The following PCSK5 variants were observed in gnomAD, a reference collection of about 807,000 sequenced individuals.
PCSK5 encodes prohormone convertase 5.
Under a neutral mutation model 233.2 loss-of-function variants are expected in PCSK5, and 129 were observed. The ratio of observed to expected loss-of-function variants is 0.55; its 90% CI spans 0.48 to 0.64. The LOEUF (loss-of-function observed/expected upper bound fraction) is 0.64, where lower values mean the gene tolerates loss of function less well. Among genes scored for constraint, PCSK5 ranks in the 30% least tolerant of loss-of-function variants. PCSK5 has a pLI of 0.00. For missense variants in PCSK5, 2,076 were observed against 2,430.1 expected, an observed-to-expected ratio of 0.85 and a Z score of 3.06; for synonymous variants, 825 against 879.2, an observed-to-expected ratio of 0.94 and a Z score of 1.09.
At chr9:76,230,559 T>C (rs1826047029) in intron 21 of PCSK5, among the ~76,000 whole-genome samples, 1 of 152,192 alleles carries the variant, frequency 6.6e-6, no homozygotes, top group Admixed American at 6.5e-5. Context: ...TGAACTGATA[T>C]TGGTTCATGG....
intron 24 of PCSK5, among the ~76,000 whole-genome samples, chr9:76,285,395 A>G (rs996499603): frequency 2.6e-5 from 4 of 152,190 alleles, no homozygotes; most frequent in African/African-American, 4.8e-5. Context: ...GAACCTAAGG[A>G]GTCTAGAACA....
At chr9:76,235,051 A>G (rs1826206492) in intron 22 of PCSK5, among the ~76,000 whole-genome samples, 1 of 152,192 alleles carries the variant, frequency 6.6e-6, no homozygotes, top group Non-Finnish European at 1.5e-5. Context: ...TATTTGGTCC[A>G]TAAGTTTCTA....
At chr9:75,971,839 G>T (rs1459802281) in intron 2 of PCSK5, among the ~76,000 whole-genome samples, 1 of 151,808 alleles carries the variant, frequency 6.6e-6, no homozygotes, top group Non-Finnish European at 1.5e-5. Flanking sequence ...TTGTCAGATG[G>T]ATAGATTGCA....
At chr9:76,293,738 C>T (rs1250271307) in intron 25 of PCSK5, among the ~76,000 whole-genome samples, 1 of 152,248 alleles carries the variant, frequency 6.6e-6, no homozygotes, top group Non-Finnish European at 1.5e-5. Flanking sequence ...CTCCACTACT[C>T]GCTAATGAGC....
At chr9:76,058,346 C>T (rs901318922) in intron 5 of PCSK5, among the ~76,000 whole-genome samples, 1 of 152,136 alleles carries the variant, frequency 6.6e-6, no homozygotes, top group African/African-American at 2.4e-5. Context: ...TAAACCAGAA[C>T]CCCTGAGATA....
chr9:76,256,222 G>A (rs1826976743), intron 24 of PCSK5, among the ~76,000 whole-genome samples: 1 of 152,166 alleles, frequency 6.6e-6, no homozygotes, highest in African/African-American at 2.4e-5. Flanking sequence ...TTCAATTCTA[G>A]AGCAATTAGC....
chr9:76,290,434 G>C (rs775506658), intron 24 of PCSK5, among the ~76,000 whole-genome samples: 1 of 152,154 alleles, frequency 6.6e-6, no homozygotes, highest in Non-Finnish European at 1.5e-5. Context: ...TACAAACCAT[G>C]TTGACCCAGA....
intron 32 of PCSK5, 81 bp from the exon 33 acceptor site, chr9:76,327,928 A>T (rs1587334987): frequency 2.4e-6 from 2 of 839,588 alleles, no homozygotes; most frequent in South Asian, 2.7e-5. Flanking sequence ...GAATGTGAAG[A>T]CCCTTTCCCA....
chr9:75,950,100 C>T (rs1824775403), intron 2 of PCSK5, among the ~76,000 whole-genome samples: 2 of 132,190 alleles, frequency 1.5e-5, no homozygotes, highest in South Asian at 2.3e-4. Flanking sequence ...TTCTCTATAC[C>T]GGACCCTTAA....
At chr9:75,970,764 G>A (rs1052022027) in intron 2 of PCSK5, among the ~76,000 whole-genome samples, 2 of 152,000 alleles carry the variant, frequency 1.3e-5, no homozygotes, top group South Asian at 4.2e-4. Context: ...TGGGACTACC[G>A]GCGCACACTG....
chr9:75,949,189 A>G (rs1824729247), intron 2 of PCSK5, among the ~76,000 whole-genome samples: 1 of 151,492 alleles, frequency 6.6e-6, no homozygotes, highest in South Asian at 2.1e-4. Flanking sequence ...GCTTATCTGA[A>G]ATTTAACTCA....
chr9:76,127,490 C>T (rs949593921), intron 9 of PCSK5, among the ~76,000 whole-genome samples: 3 of 152,308 alleles, frequency 2.0e-5, no homozygotes, highest in African/African-American at 7.2e-5. Context: ...AAATTGCCAT[C>T]TACACTATGG....
intron 3 of PCSK5, among the ~76,000 whole-genome samples, chr9:76,009,577 A>G (rs2131449886): frequency 6.6e-6 from 1 of 151,478 alleles, no homozygotes; most frequent in Middle Eastern, 3.4e-3. Context: ...CAGTGAGCCG[A>G]GATCACACCA....
chr9:75,945,510 G>T (rs1237644383), intron 2 of PCSK5, among the ~76,000 whole-genome samples: 3 of 152,120 alleles, frequency 2.0e-5, no homozygotes, highest in Non-Finnish European at 1.5e-5. Flanking sequence ...CCCACCATCA[G>T]TGTTGACCTG....
intron 24 of PCSK5, 124 bp from the exon 25 acceptor site, chr9:76,292,109 T>C (rs949274697): frequency 2.1e-5 from 14 of 660,186 alleles, no homozygotes; most frequent in Non-Finnish European, 3.8e-5. Flanking sequence ...ATATTATTTC[T>C]GGACAGTACA....
intron 20 of PCSK5, 140 bp downstream of exon 20, chr9:76,189,886 A>T (rs955347637): frequency 2.1e-5 from 12 of 569,144 alleles, no homozygotes; most frequent in Middle Eastern, 3.0e-4. Context: ...GCATTCATTC[A>T]TCTTGAACTT....
rs759821026 is a variant in PCSK5 at position 76,193,383 on chromosome 9, G to GACTT, written c.2626+3639_2626+3642dup. 23 of 1,493,140 alleles carry GACTT rather than the reference G, an allele frequency of 1.5e-5. No individual in the cohort carries two copies. The East Asian group carries it at 3.8e-4, about 25-fold the overall frequency. 92.5% of individuals were successfully genotyped at this position (1,493,140 alleles called of 1,614,324 possible). ...CATCTTAGATTTCTTTGTTCCTGTA[G>GACTT]ACTTATAGATTATTCCATATTATTA... On this transcript the variant is annotated intron_variant, in intron 20 of 37. Transcript: ENST00000674117.
chr9:76,100,284 C>T (rs117932227), intron 8 of PCSK5, among the ~76,000 whole-genome samples: 20 of 152,300 alleles, frequency 1.3e-4, no homozygotes, highest in Non-Finnish European at 2.4e-4. Context: ...AGTTGTATAA[C>T]GAAAGAATTC....
At chr9:75,915,439 A>G (rs1822945121) in intron 1 of PCSK5, among the ~76,000 whole-genome samples, 1 of 152,188 alleles carries the variant, frequency 6.6e-6, no homozygotes, top group African/African-American at 2.4e-5. Context: ...AATAGGAGAA[A>G]GTGCTTGTGG....
Sources: allele counts gnomAD v4.1 joint callset (sites outside exome capture counted in the v4.1 genomes callset), GRCh38; gene constraint gnomAD v4.1.1; transcripts MANE v1.5; gene names NCBI Gene and HGNC (gene_info 2026-07-23, HGNC 2026-07-21).